EXOC1: variants seen among roughly 807,000 people sequenced by gnomAD.
EXOC1 encodes the protein exocyst complex component 1, also known as SEC3-like 1.
A neutral mutation model predicts 107.7 loss-of-function variants in EXOC1; 67 were observed. The ratio of observed to expected loss-of-function variants is 0.62; its 90% CI spans 0.51 to 0.76. The LOEUF (loss-of-function observed/expected upper bound fraction) is 0.76. EXOC1 is among the 30% of genes least tolerant of loss of function. The pLI is 0.00. For synonymous variants in EXOC1, 348 were observed against 353.5 expected, an observed-to-expected ratio of 0.98 and a Z score of 0.17; for missense variants, 833 against 1,055.7, an observed-to-expected ratio of 0.79 and a Z score of 2.92.
At chr4:55,898,562 C>G (rs1336430394) in intron 16 of EXOC1, among the ~76,000 whole-genome samples, 1 of 152,142 alleles carries the variant, frequency 6.6e-6, no homozygotes, top group Non-Finnish European at 1.5e-5. Context: ...ATTTTCAAAT[C>G]AAGAAGAAAG....
chr4:55,868,212 A>T, intron 4 of EXOC1, 124 bp from the exon 5 acceptor site: 1 of 597,210 alleles, frequency 1.7e-6, no homozygotes, highest in Non-Finnish European at 2.6e-6. Context: ...CATTTGAATC[A>T]TTCTATCCTC....
At chr4:55,870,493 TA>T in intron 5 of EXOC1, among the ~76,000 whole-genome samples, 184 bp from the exon 6 acceptor site, 2 of 152,348 alleles carry the variant, frequency 1.3e-5, no homozygotes, top group Non-Finnish European at 2.9e-5. Flanking sequence ...AAATACTGTG[TA>T]AAACATGGAA....
chr4:55,889,840 A>T (rs898214804), intron 11 of EXOC1, among the ~76,000 whole-genome samples: 5 of 152,204 alleles, frequency 3.3e-5, no homozygotes, highest in African/African-American at 1.2e-4. Flanking sequence ...CTAATATGCT[A>T]ACGTGGTCCT....
At chr4:55,898,617 T>C (rs192487566) in intron 16 of EXOC1, among the ~76,000 whole-genome samples, 1 of 152,320 alleles carries the variant, frequency 6.6e-6, no homozygotes, top group East Asian at 1.9e-4. Context: ...ATGTTAAATT[T>C]TTATTCTTCC....
chr4:55,864,111 C>G (rs1031755727), intron 3 of EXOC1, 116 bp from the exon 4 acceptor site: 1 of 667,492 alleles, frequency 1.5e-6, no homozygotes, highest in Non-Finnish European at 2.4e-6. Flanking sequence ...AGTTGCTTAG[C>G]TGATTTTTAA....
rs183379719 is a variant in EXOC1 at position 55,856,972 on chromosome 4, C to G, written c.-10-1342C>G. 1.1e-3 allele frequency among the ~76,000 whole-genome samples: 163 copies of G among 152,006 alleles called. 1 individual carries two copies. Among genetic ancestry groups the G allele is most frequent in the Non-Finnish European group, 4.1e-4 (28 of 67,954 alleles). ...AACTCCATACCCATTAACAGTCAAT[C>G]CTCGTTTCCACCTTCCCTTCCAGCT... On this transcript the variant is annotated intron_variant, in intron 1 of 18. Coordinates refer to ENST00000381295, the MANE Select transcript of EXOC1 (RefSeq NM_001024924.2).
intron 10 of EXOC1, among the ~76,000 whole-genome samples, chr4:55,887,182 T>TTGTATG (rs1723973621): frequency 6.6e-6 from 1 of 152,088 alleles, no homozygotes; most frequent in Non-Finnish European, 1.5e-5. Context: ...CACCTCTCAT[T>TTGTATG]AGTCCCTTAA....
chr4:55,858,529 C>T (rs1721194523), intron 2 of EXOC1, 82 bp downstream of exon 2: 2 of 1,405,340 alleles, frequency 1.4e-6, no homozygotes, highest in Non-Finnish European at 9.4e-7. Context: ...TGAATATCCT[C>T]ATTGTCTCTG....
At chr4:55,867,407 A>G (rs1722053235) in intron 4 of EXOC1, among the ~76,000 whole-genome samples, 1 of 152,184 alleles carries the variant, frequency 6.6e-6, no homozygotes, top group African/African-American at 2.4e-5. Flanking sequence ...AAAAGCATCC[A>G]GAGTTTGTGG....
At chr4:55,875,965 A>G in intron 8 of EXOC1, 1 of 948,468 alleles carries the variant, frequency 1.1e-6, no homozygotes, top group Non-Finnish European at 1.3e-6. Flanking sequence ...CTAAAACTAT[A>G]ATATCTATAT....
intron 7 of EXOC1, 96 bp from the exon 8 acceptor site, chr4:55,871,753 G>T: frequency 4.7e-6 from 5 of 1,065,524 alleles, no homozygotes; most frequent in South Asian, 4.6e-5. Context: ...AAAACTTTTG[G>T]GTTCTTCAAA....
chr4:55,886,654 T>C (rs1723918854), intron 10 of EXOC1, among the ~76,000 whole-genome samples: 1 of 151,804 alleles, frequency 6.6e-6, no homozygotes, highest in Non-Finnish European at 1.5e-5. Context: ...AGAAATCTCA[T>C]TTTAGAATGA....
intron 11 of EXOC1, among the ~76,000 whole-genome samples, chr4:55,889,442 G>T (rs1303751596): frequency 6.6e-6 from 1 of 152,092 alleles, no homozygotes. Context: ...CTTGGTGTAT[G>T]TGAGCTATTG....
rs1469593910 is a variant in EXOC1, at chr4:55,871,023, A to G, written c.832-78A>G. The G allele has an allele frequency of 3.2e-6, 5 of 1,565,572 alleles. No homozygotes were observed. In the African/African-American group the frequency reaches 4.1e-5, roughly 13 times the overall value. ...GATTTAAAATAATTCCAAAGACCTA[A>G]TGATAGGACTGAATAGCATCTTGCC... On this transcript the variant is annotated intron_variant, in intron 6 of 18. Transcript: ENST00000381295.
chr4:55,872,057 GCAGTCAATTCCTTCA>G, intron 8 of EXOC1, 99 bp downstream of exon 8: 1 of 1,041,040 alleles, frequency 9.6e-7, no homozygotes, highest in South Asian at 1.7e-5. Context: ...AATTGGGGTT[GCAGTCAATTCCTTCA>G]CATATTTGAT....
intron 10 of EXOC1, among the ~76,000 whole-genome samples, chr4:55,884,689 A>G (rs919018162): frequency 6.6e-6 from 1 of 152,170 alleles, no homozygotes; most frequent in Non-Finnish European, 1.5e-5. Context: ...CTGGCCTTAA[A>G]TGGCCACATT....
At position 55,892,624 on chromosome 4, in the gene EXOC1, A is replaced by C; in HGVS notation, c.1648-11A>C. On this transcript the variant is annotated splice_polypyrimidine_tract_variant and intron_variant, in intron 13 of 18. Transcript: ENST00000381295. ...CTTTTATTATGTAAAGTGCCTGAAT[A>C]ATTTTTGCAGGCTGAAGCAGAGGAC... is the stretch of plus-strand genomic sequence containing the variant. 6.2e-7 allele frequency: 1 copy of C among 1,613,834 alleles called. No individual in the cohort carries two copies. The highest frequency in any genetic ancestry group is 8.5e-7 in the Non-Finnish European group (1 of 1,179,772).
intron 8 of EXOC1, among the ~76,000 whole-genome samples, chr4:55,872,513 A>C (rs895095433): frequency 3.3e-5 from 5 of 152,064 alleles, no homozygotes; most frequent in African/African-American, 1.2e-4. Context: ...TAATAATATT[A>C]AGAGTACCTT....
chr4:55,860,545 G>C lies in EXOC1; in HGVS notation c.255+4G>C. ...AGATGCCAAAGATGCTATCAAAGTAGGTTTTTCTCAGTTCTTTGACCTGTG... is the reference window on the plus strand; with the variant it reads ...AGATGCCAAAGATGCTATCAAAGTACGTTTTTCTCAGTTCTTTGACCTGTG... On this transcript the variant is annotated splice_donor_region_variant and intron_variant, in intron 3 of 18. Coordinates refer to ENST00000381295, the MANE Select transcript of EXOC1 (RefSeq NM_001024924.2). 1.9e-6 allele frequency: 3 copies of C among 1,613,400 alleles called. No individual in the cohort carries two copies. Among genetic ancestry groups the C allele is most frequent in the Non-Finnish European group, 2.5e-6 (3 of 1,179,628 alleles).
Sources: gnomAD v4.1 joint callset for allele counts (sites outside exome capture counted in the v4.1 genomes callset) on GRCh38, gnomAD v4.1.1 for gene constraint, MANE v1.5 for transcripts, NCBI Gene and HGNC (gene_info 2026-07-23, HGNC 2026-07-21) for gene names.